The following PTCD1 variants were observed in gnomAD, a reference collection of about 807,000 sequenced individuals.
PTCD1 encodes pentatricopeptide repeat-containing protein 1, mitochondrial.
PTCD1 carries 50 observed loss-of-function variants against 53.4 expected under a neutral mutation model. That is an observed-to-expected ratio of 0.94 (90% CI 0.75 to 1.19). PTCD1 has a LOEUF of 1.19. PTCD1 is among the 50% of genes most tolerant of loss of function. PTCD1 has a pLI of 0.00. For synonymous variants in PTCD1, 413 were observed against 394.8 expected (o/e 1.05, Z -0.55); for missense variants, 918 against 904.8 (o/e 1.01, Z -0.19).
chr7:99,432,844 T>G, intron 3 of PTCD1: 1 of 249,300 alleles, frequency 4.0e-6, no homozygotes. Flanking sequence ...TGGCCAGGGG[T>G]TAGAGACCAG....
chr7:99,424,892 G>A lies in PTCD1; in HGVS notation c.1640C>T (p.Ala547Val), dbSNP rs1357462941. 4 of 1,614,260 alleles carry A rather than the reference G, an allele frequency of 2.5e-6. No individual in the cohort carries two copies. In the East Asian group the frequency reaches 8.9e-5, roughly 36 times the overall value. Reference sequence around the variant, plus strand: ...CAGGTTGGGGACGAGGCCCCTCTTTGCCAGGACCGGCAACAGCGCCTTGGC... The same window carrying A: ...CAGGTTGGGGACGAGGCCCCTCTTTACCAGGACCGGCAACAGCGCCTTGGC... Reference protein sequence around the residue: ...EGAKALLPVLAKRGLVPNLQT... With the variant: ...EGAKALLPVLVKRGLVPNLQT... The change falls in exon 6 of 8, where the codon GCA becomes GTA. Residue 547 changes from alanine (A) to valine (V), a missense_variant. Physicochemically the swap from Ala to Val is moderately conservative, Grantham distance 64 (BLOSUM62 0). Transcript: ENST00000292478.
chr7:99,424,706 G>A lies in PTCD1; in HGVS notation c.1737+89C>T. On this transcript the variant is annotated intron_variant, in intron 6 of 7. Transcript: ENST00000292478. ...TGCACAGTTCATCCTCTCCAGGTGG[G>A]GGGTCTGCAGACCCCTCAAACTTTC... 2.6e-6 allele frequency: 4 copies of A among 1,516,488 alleles called. No homozygotes were observed. The South Asian group carries it at 4.8e-5, about 18-fold the overall frequency. 93.9% of individuals were successfully genotyped at this position (1,516,488 alleles called of 1,614,324 possible). A position where few individuals can be genotyped will look rare whatever the true frequency, so the allele number is the denominator to read the frequency against.
At chr7:99,433,582 C>T (rs992213863) in intron 2 of PTCD1, among the ~76,000 whole-genome samples, 164 bp from the exon 3 acceptor site, 1 of 152,228 alleles carries the variant, frequency 6.6e-6, no homozygotes, top group Non-Finnish European at 1.5e-5. Flanking sequence ...CCATCCCTCA[C>T]CTCACACCAT....
At chr7:99,420,558 T>C (rs1270726177) in intron 7 of PTCD1, among the ~76,000 whole-genome samples, 3 of 151,956 alleles carry the variant, frequency 2.0e-5, no homozygotes, top group East Asian at 3.9e-4. Flanking sequence ...CCATGAGATA[T>C]GGGGAAAAAA....
chr7:99,419,514 A>C lies in PTCD1; in HGVS notation c.*453T>G. On this transcript the variant is annotated 3_prime_UTR_variant, in exon 8 of 8. Transcript: ENST00000292478. ...GTCACGCCACCCCCTTCCTGGGAGCAGCGAGCAGTGCCCCAGGCCCGAGTT... is the reference window on the plus strand; with the variant it reads ...GTCACGCCACCCCCTTCCTGGGAGCCGCGAGCAGTGCCCCAGGCCCGAGTT... 1.3e-6 allele frequency: 2 copies of C among 1,565,110 alleles called. No individual in the cohort carries two copies. Among genetic ancestry groups the C allele is most frequent in the Non-Finnish European group, 8.7e-7 (1 of 1,144,726 alleles).
chr7:99,433,810 T>C (rs1270519317), intron 2 of PTCD1, among the ~76,000 whole-genome samples: 3 of 151,940 alleles, frequency 2.0e-5, no homozygotes, highest in African/African-American at 4.8e-5. Context: ...TCCCAGCACT[T>C]TGGGAGGCTG....
Position 99,429,556 on chromosome 7 carries a change from G to A in PTCD1, c.813+32C>T, listed in dbSNP as rs766614705. On this transcript the variant is annotated intron_variant, in intron 4 of 7. Coordinates refer to ENST00000292478, the MANE Select transcript of PTCD1 (RefSeq NM_015545.4). ...CCCTGACACGTGGGACCAGCCCCATGAAGGGGAGCAGGACGGCAGGGGAAG... is the reference window on the plus strand; with the variant it reads ...CCCTGACACGTGGGACCAGCCCCATAAAGGGGAGCAGGACGGCAGGGGAAG... The A allele has an allele frequency of 3.5e-5, 57 of 1,613,770 alleles. No homozygotes were observed. In the South Asian group the frequency reaches 6.0e-4, roughly 17 times the overall value.
chr7:99,438,392 GAGA>G (rs1225409603), intron 1 of PTCD1, among the ~76,000 whole-genome samples: 4 of 152,092 alleles, frequency 2.6e-5, no homozygotes, highest in African/African-American at 9.7e-5. Flanking sequence ...GCTTGAGTCT[GAGA>G]AGTTGACTGC....
chr7:99,429,023 C>T, intron 5 of PTCD1, 80 bp downstream of exon 5: 2 of 1,502,176 alleles, frequency 1.3e-6, no homozygotes, highest in East Asian at 2.3e-5. Context: ...ACAGGGCCAT[C>T]GTGGGTGCTC....
rs1697499782 is a variant in PTCD1 at position 99,429,911 on chromosome 7, T to A, written c.595-105A>T. On this transcript the variant is annotated intron_variant, in intron 3 of 7. Transcript: ENST00000292478. ...GGCTGGAGAGGACCCCGTCACTGCATCCACCAGGCCAGGCTCTAAGGCAGA... is the reference window on the plus strand; with the variant it reads ...GGCTGGAGAGGACCCCGTCACTGCAACCACCAGGCCAGGCTCTAAGGCAGA... 27 of 1,399,498 alleles carry A rather than the reference T, an allele frequency of 1.9e-5. No homozygotes were observed. The South Asian group carries it at 3.2e-4, about 16-fold the overall frequency. 86.7% of individuals were successfully genotyped at this position (1,399,498 alleles called of 1,614,324 possible).
intron 7 of PTCD1, among the ~76,000 whole-genome samples, chr7:99,420,946 CA>C (rs1005494339): frequency 1.4e-5 from 2 of 144,458 alleles, no homozygotes; most frequent in African/African-American, 5.1e-5. Context: ...GACTCCATCT[CA>C]AAAAAAAACA....
Position 99,425,229 on chromosome 7 carries a change from G to C in PTCD1, c.1303C>G (p.Pro435Ala), listed in dbSNP as rs113135408. The change falls in exon 6 of 8, where the codon CCC (proline) becomes GCC (alanine). Residue 435 changes from proline to alanine, a missense_variant. Transcript: ENST00000292478. ...ALTAVALKPPPVELEVNLLTP... is the reference protein window; with the variant it reads ...ALTAVALKPPAVELEVNLLTP... ...AGGAGGTTGACTTCCAGCTCCACGG[G>C]AGGTGGCTTCAGGGCCACTGCGGTG... The C allele has an allele frequency of 1.1e-3, 1,707 of 1,612,132 alleles. 11 individuals carry two copies. The highest frequency in any genetic ancestry group is 9.9e-3 in the African/African-American group (742 of 75,010).
Position 99,425,071 on chromosome 7 carries a change from G to A in PTCD1, c.1461C>T (p.Ile487=). ...KMAEHRQQPD[I]RTLTLLAEVV... ...CCTCGGCCAGTAGCGTGAGGGTCCT[G>A]ATGTCGGGCTGCTGCCTGTGCTCTG... is the stretch of plus-strand genomic sequence containing the variant. The change falls in exon 6 of 8, where the codon ATC becomes ATT. Residue 487 remains isoleucine, a synonymous_variant. Coordinates refer to ENST00000292478, the MANE Select transcript of PTCD1 (RefSeq NM_015545.4). 6.2e-7 allele frequency: 1 copy of A among 1,614,160 alleles called. No individual in the cohort carries two copies. The highest frequency in any genetic ancestry group is 8.5e-7 in the Non-Finnish European group (1 of 1,180,054).
chr7:99,431,770 G>A (rs1796261717), intron 3 of PTCD1, among the ~76,000 whole-genome samples: 2 of 152,270 alleles, frequency 1.3e-5, no homozygotes, highest in East Asian at 1.9e-4. Flanking sequence ...GAAAAAGAAA[G>A]AGAGATCAGA....
At chr7:99,437,582 C>T (rs1050243395) in intron 1 of PTCD1, among the ~76,000 whole-genome samples, 6 of 152,128 alleles carry the variant, frequency 3.9e-5, no homozygotes, top group African/African-American at 1.4e-4. Flanking sequence ...GGATTACAGC[C>T]GTGAGCCACC....
chr7:99,438,690 A>G lies in PTCD1; in HGVS notation c.-27+2T>C, dbSNP rs1941653596. ...TCCTGCGAGGATCACACAGGAACTC[A>G]CTTGAAGTGTCCGGCGCAGTGCACT... On this transcript the variant is annotated splice_donor_variant, in intron 1 of 7. Coordinates refer to ENST00000292478, the MANE Select transcript of PTCD1 (RefSeq NM_015545.4). LOFTEE classifies it low-confidence loss of function (5UTR_SPLICE). The G allele has an allele frequency of 7.8e-7, 1 of 1,277,552 alleles. No individual in the cohort carries two copies. The highest frequency in any genetic ancestry group is 1.6e-5 in the African/African-American group (1 of 64,428). 79.1% of individuals were successfully genotyped at this position (1,277,552 alleles called of 1,614,324 possible).
intron 3 of PTCD1, among the ~76,000 whole-genome samples, chr7:99,431,124 T>C (rs1173463855): frequency 6.6e-6 from 1 of 151,542 alleles, no homozygotes; most frequent in African/African-American, 2.4e-5. Context: ...ATAAAAATAT[T>C]AGTTTTTTTT....
chr7:99,431,564 T>C (rs1369074182), intron 3 of PTCD1, among the ~76,000 whole-genome samples: 1 of 152,124 alleles, frequency 6.6e-6, no homozygotes, highest in Non-Finnish European at 1.5e-5. Flanking sequence ...GGTGAAATGC[T>C]GTCTCTACTA....
Position 99,435,364 on chromosome 7 carries a change from C to A in PTCD1, c.-26-96G>T, listed in dbSNP as rs746043083. On this transcript the variant is annotated intron_variant, in intron 1 of 7. Transcript: ENST00000292478. Reference sequence around the variant, plus strand: ...GTTACAAGTATGGGCCCAGGCCAGGCGCGGTGGCTCATGCCTGTAATCCCA... The same window carrying A: ...GTTACAAGTATGGGCCCAGGCCAGGAGCGGTGGCTCATGCCTGTAATCCCA... The A allele has an allele frequency of 1.1e-5, 16 of 1,484,912 alleles. No homozygotes were observed. The South Asian group carries it at 1.6e-4, about 15-fold the overall frequency. The allele number at this position is 1,484,912 out of a possible 1,614,324, so 92.0% of individuals were successfully genotyped here.
Sources: gnomAD v4.1 joint callset for allele counts (sites outside exome capture counted in the v4.1 genomes callset) on GRCh38, gnomAD v4.1.1 for gene constraint, MANE v1.5 for transcripts, NCBI Gene and HGNC (gene_info 2026-07-23, HGNC 2026-07-21) for gene names.